The following SEC22C variants were observed in gnomAD, a reference collection of about 807,000 sequenced individuals.
SEC22C encodes the protein SEC22 homolog C, vesicle trafficking protein.
In SEC22C, 29 loss-of-function variants were observed where a neutral mutation model predicts 34.7. That is an observed-to-expected ratio of 0.84 (90% confidence interval 0.62 to 1.14). The LOEUF (loss-of-function observed/expected upper bound fraction) is 1.14. SEC22C is among the 50% of genes most tolerant of loss of function. SEC22C has a pLI of 0.00. For synonymous variants in SEC22C, 117 were observed against 132.8 expected, an observed-to-expected ratio of 0.88 and a Z score of 0.82; for missense variants, 337 against 369.0, an observed-to-expected ratio of 0.91 and a Z score of 0.71.
intron 1 of SEC22C, among the ~76,000 whole-genome samples, chr3:42,577,030 G>T (rs1704009271): frequency 1.3e-5 from 2 of 152,098 alleles, no homozygotes; most frequent in Non-Finnish European, 2.9e-5. Flanking sequence ...GGGAGGAAGG[G>T]TAGTCTTTTC....
chr3:42,560,472 G>A (rs1035820993), intron 4 of SEC22C, among the ~76,000 whole-genome samples: 1 of 149,608 alleles, frequency 6.7e-6, no homozygotes, highest in Admixed American at 6.7e-5. Flanking sequence ...CCAGGAGTTC[G>A]AGACCAGCCT....
chr3:42,556,588 G>A (rs1236711428), intron 5 of SEC22C, among the ~76,000 whole-genome samples: 6 of 152,220 alleles, frequency 3.9e-5, no homozygotes, highest in Admixed American at 2.0e-4. Flanking sequence ...GTCTACATCA[G>A]TCTCCTGAGG....
chr3:42,574,001 C>G (rs1010480838), intron 1 of SEC22C, among the ~76,000 whole-genome samples: 1 of 152,080 alleles, frequency 6.6e-6, no homozygotes, highest in African/African-American at 2.4e-5. Context: ...TTCAAAGAAA[C>G]TGAACAAATC....
upstream of SEC22C, among the ~76,000 whole-genome samples, chr3:42,586,594 A>T (rs892665799): frequency 2.0e-5 from 3 of 151,164 alleles, no homozygotes; most frequent in African/African-American, 7.3e-5. Context: ...TTAAAAAAAA[A>T]AAAAAAGCCA....
intron 1 of SEC22C, among the ~76,000 whole-genome samples, chr3:42,596,258 G>A (rs1705026921): frequency 6.6e-6 from 1 of 152,186 alleles, no homozygotes; most frequent in Admixed American, 6.5e-5. Context: ...ACGACCTCAG[G>A]TGATCCACCT....
intron 1 of SEC22C, among the ~76,000 whole-genome samples, chr3:42,590,109 CATT>C (rs71616052): frequency 0.17 from 26,130 of 152,138 alleles, 2,709 homozygotes; most frequent in African/African-American, 0.29. Flanking sequence ...ACCTAATAAG[CATT>C]ATTCCTGCCC....
At position 42,569,075 on chromosome 3, in the gene SEC22C, T is replaced by C; in HGVS notation, c.-27-2A>G. 3.7e-6 allele frequency: 6 copies of C among 1,600,922 alleles called. No homozygotes were observed. Among genetic ancestry groups the C allele is most frequent in the Non-Finnish European group, 5.1e-6 (6 of 1,171,182 alleles). Reference sequence around the variant, plus strand: ...CCACAAGAGAAGTCATGAGGACACCTGAGGAAAGCAAGGTCACCTTGTTAC... The same window carrying C: ...CCACAAGAGAAGTCATGAGGACACCCGAGGAAAGCAAGGTCACCTTGTTAC... On this transcript the variant is annotated splice_acceptor_variant, in intron 1 of 6. Coordinates refer to ENST00000264454, the MANE Select transcript of SEC22C (RefSeq NM_032970.4). LOFTEE classifies it low-confidence loss of function (5UTR_SPLICE).
At chr3:42,580,751 C>T (rs1370163927) in intron 1 of SEC22C, among the ~76,000 whole-genome samples, 3 of 152,190 alleles carry the variant, frequency 2.0e-5, no homozygotes, top group South Asian at 2.1e-4. Flanking sequence ...GATCTTTCCA[C>T]CACATCCTTC....
At chr3:42,598,634 G>T (rs1705114209) in intron 1 of SEC22C, among the ~76,000 whole-genome samples, 1 of 151,752 alleles carries the variant, frequency 6.6e-6, no homozygotes, top group Admixed American at 6.6e-5. Context: ...TAGCCTACAA[G>T]AACAAATATT....
intron 1 of SEC22C, among the ~76,000 whole-genome samples, chr3:42,576,538 AT>A: frequency 6.6e-6 from 1 of 152,250 alleles, no homozygotes; most frequent in Middle Eastern, 3.4e-3. Context: ...TAAAGCTATA[AT>A]TTTTTAAATA....
At chr3:42,594,162 C>A (rs376931830) in intron 1 of SEC22C, among the ~76,000 whole-genome samples, 1 of 152,272 alleles carries the variant, frequency 6.6e-6, no homozygotes, top group South Asian at 2.1e-4. Context: ...AAAGTAGGTG[C>A]GCAAAGATAG....
chr3:42,563,392 G>T, intron 3 of SEC22C, 131 bp downstream of exon 3: 1 of 702,414 alleles, frequency 1.4e-6, no homozygotes, highest in Non-Finnish European at 2.4e-6. Context: ...CATGGTACAA[G>T]TCTGTTCTTC....
intron 1 of SEC22C, among the ~76,000 whole-genome samples, chr3:42,569,464 T>C (rs1703474061): frequency 6.6e-6 from 1 of 152,110 alleles, no homozygotes; most frequent in African/African-American, 2.4e-5. Context: ...CACCAGACAC[T>C]GAAGCAGCGA....
intron 1 of SEC22C, chr3:42,590,983 G>T: frequency 6.5e-7 from 1 of 1,538,118 alleles, no homozygotes; most frequent in Non-Finnish European, 8.7e-7. Flanking sequence ...ATCCACGCGG[G>T]CGGGCGGGCG....
At chr3:42,568,744 G>C in intron 2 of SEC22C, 121 bp downstream of exon 2, 1 of 798,728 alleles carries the variant, frequency 1.3e-6, no homozygotes, top group South Asian at 1.8e-5. Context: ...CATGATCTCA[G>C]ACCACTGATG....
chr3:42,558,210 G>A (rs1577301715), intron 4 of SEC22C, among the ~76,000 whole-genome samples: 1 of 152,094 alleles, frequency 6.6e-6, no homozygotes, highest in East Asian at 1.9e-4. Flanking sequence ...ACAATTTTTG[G>A]CACACACCTG....
At chr3:42,566,214 C>T (rs1339021114) in intron 2 of SEC22C, among the ~76,000 whole-genome samples, 1 of 152,182 alleles carries the variant, frequency 6.6e-6, no homozygotes, top group Non-Finnish European at 1.5e-5. Context: ...CCCACATCAC[C>T]AGGTGACAGC....
At chr3:42,559,557 T>C (rs1157466941) in intron 4 of SEC22C, among the ~76,000 whole-genome samples, 2 of 152,250 alleles carry the variant, frequency 1.3e-5, no homozygotes, top group East Asian at 1.9e-4. Flanking sequence ...CAAGTATTGG[T>C]TGAAACACAT....
In SEC22C at chr3:42,551,537, T is replaced by A; in HGVS notation, c.*1711A>T. ...TTTTTTTTGTAGAGATGAATCTTAC[T>A]ATGTTGTCCAGGCTGGTCTCAAACT... On this transcript the variant is annotated 3_prime_UTR_variant, in exon 7 of 7. Transcript: ENST00000264454. 4.5e-6 allele frequency: 2 copies of A among 447,370 alleles called. No individual in the cohort carries two copies. The highest frequency in any genetic ancestry group is 5.9e-6 in the Non-Finnish European group (2 of 338,864). 27.7% of individuals were successfully genotyped at this position (447,370 alleles called of 1,614,324 possible).
Sources: gnomAD v4.1 joint callset for allele counts (sites outside exome capture counted in the v4.1 genomes callset) on GRCh38, gnomAD v4.1.1 for gene constraint, MANE v1.5 for transcripts, NCBI Gene and HGNC (gene_info 2026-07-23, HGNC 2026-07-21) for gene names.